Variants in DNMBP observed in about 807,000 individuals in gnomAD.
The protein encoded by DNMBP is dynamin binding protein, also known as dynamin-binding protein.
In DNMBP, 87 loss-of-function variants were observed where a neutral mutation model predicts 150.0. The ratio of observed to expected loss-of-function variants is 0.58; its 90% confidence interval spans 0.49 to 0.69. The LOEUF (loss-of-function observed/expected upper bound fraction) is 0.69, where lower values mean the gene tolerates loss of function less well. Ranked by LOEUF, DNMBP falls within the 30% of genes least tolerant of loss-of-function variation. The probability of loss-of-function intolerance (pLI) is 0.00; values close to 1 mark genes in which losing one functional copy is unlikely to be tolerated. For synonymous variants in DNMBP, 711 were observed against 750.4 expected, an observed-to-expected ratio of 0.95 and a Z score of 0.86; for missense variants, 1,774 against 1,949.0, an observed-to-expected ratio of 0.91 and a Z score of 1.69.
chr10:99,972,112 A>G lies in DNMBP; in HGVS notation c.13T>C (p.Ser5Pro). The stretch of plus-strand genomic sequence containing the variant: ...AAGTCAAAAATGGCTCGAACCACTG[A>G]GCCAGCCTCCATGTTTTATAACCTG... MEAG[S>P]VVRAIFDFCP... The change falls in exon 2 of 17, where the codon TCA becomes CCA. Residue 5 changes from serine to proline, a missense_variant. Physicochemically the swap from Ser to Pro is moderately conservative, Grantham distance 74. Coordinates refer to ENST00000324109, the MANE Select transcript of DNMBP (RefSeq NM_015221.4). 1.2e-6 allele frequency: 2 copies of G among 1,612,164 alleles called. No individual in the cohort carries two copies. Among genetic ancestry groups the G allele is most frequent in the Non-Finnish European group, 8.5e-7 (1 of 1,179,552 alleles).
At chr10:99,964,626 T>C (rs975856138) in intron 3 of DNMBP, among the ~76,000 whole-genome samples, 4 of 151,684 alleles carry the variant, frequency 2.6e-5, no homozygotes, top group Non-Finnish European at 5.9e-5. Flanking sequence ...ATCCCAGCAC[T>C]TTGGCAGGTC....
Position 99,879,993 on chromosome 10 carries a change from C to T in DNMBP, c.4366G>A (p.Val1456Ile), listed in dbSNP as rs752499875. Residue 1456 changes from valine to isoleucine, a missense_variant, in exon 16 of 17, where the codon GTA becomes ATA. By Grantham distance (29) the Val-to-Ile change is conservative. Transcript: ENST00000324109. ...CTCGGCGTGGCAGTGGGTTGCTTTA[C>T]ATCTCTAGCTACATCTGCAGAGTCC... ...SGDSADVARD[V>I]KQPTATPRSY... The T allele has an allele frequency of 1.2e-5, 19 of 1,614,222 alleles. No individual in the cohort carries two copies. Among genetic ancestry groups the T allele is most frequent in the Non-Finnish European group, 1.5e-5 (18 of 1,180,052 alleles).
chr10:99,890,654 T>C (rs917896768), intron 11 of DNMBP, among the ~76,000 whole-genome samples: 2 of 152,170 alleles, frequency 1.3e-5, no homozygotes, highest in Admixed American at 6.5e-5. Context: ...CAATTGTGTG[T>C]TTTATTTTTC....
chr10:99,943,736 G>A (rs746607357), intron 4 of DNMBP, among the ~76,000 whole-genome samples: 2 of 152,118 alleles, frequency 1.3e-5, no homozygotes, highest in Non-Finnish European at 2.9e-5. Flanking sequence ...GGGATTCCAA[G>A]GAGGCTGCAG....
At position 99,995,343 on chromosome 10, in the gene DNMBP, T is replaced by C. The variant is rs77719199; in HGVS notation, c.-11+14495A>G. ...GGATTACAGGCATGATCACGGCACCTGGCAAAAACAGAAATCTTATACATC... is the reference window on the plus strand; with the variant it reads ...GGATTACAGGCATGATCACGGCACCCGGCAAAAACAGAAATCTTATACATC... On this transcript the variant is annotated intron_variant, in intron 1 of 16. Transcript: ENST00000324109. Among the ~76,000 whole-genome samples, 1,000 of 152,224 alleles carry C rather than the reference T, an allele frequency of 6.6e-3. 7 individuals carry two copies. The highest frequency in any genetic ancestry group is 0.022 in the African/African-American group (910 of 41,542).
At chr10:99,973,949 C>T (rs559210120) in intron 1 of DNMBP, among the ~76,000 whole-genome samples, 1 of 152,090 alleles carries the variant, frequency 6.6e-6, no homozygotes, top group Non-Finnish European at 1.5e-5. Context: ...CCATTCATTG[C>T]ATTCCAGCCT....
chr10:99,878,639 G>A (rs1240602187), intron 16 of DNMBP, among the ~76,000 whole-genome samples: 3 of 152,178 alleles, frequency 2.0e-5, no homozygotes, highest in Admixed American at 6.5e-5. Context: ...GACAGTGGCA[G>A]AGGCAGCACC....
chr10:99,911,183 G>A (rs1388895065), intron 4 of DNMBP, among the ~76,000 whole-genome samples: 1 of 152,048 alleles, frequency 6.6e-6, no homozygotes, highest in Non-Finnish European at 1.5e-5. Flanking sequence ...AGAGGTTGCA[G>A]TAAGCTGAGA....
At position 99,880,295 on chromosome 10, in the gene DNMBP, G is replaced by C; in HGVS notation, c.4064C>G (p.Ala1355Gly). Reference sequence around the variant, plus strand: ...TGTGGAGGAGTGGCTACCCACGGAGGCATCGGAGTGGCTGCGGCGAGGATT... The same window carrying C: ...TGTGGAGGAGTGGCTACCCACGGAGCCATCGGAGTGGCTGCGGCGAGGATT... The part of the protein sequence containing the change: ...PYNPRRSHSD[A>G]SVGSHSSTES... Residue 1355 changes from alanine to glycine, a missense_variant, in exon 16 of 17, where the codon GCC becomes GGC. By Grantham distance (60) the Ala-to-Gly change is moderately conservative (BLOSUM62 0). Coordinates refer to ENST00000324109, the MANE Select transcript of DNMBP (RefSeq NM_015221.4). 6.2e-7 allele frequency: 1 copy of C among 1,613,382 alleles called. No individual in the cohort carries two copies. Among genetic ancestry groups the C allele is most frequent in the Non-Finnish European group, 8.5e-7 (1 of 1,179,766 alleles).
chr10:99,911,917 G>T (rs1457282022), intron 4 of DNMBP, among the ~76,000 whole-genome samples: 2 of 152,018 alleles, frequency 1.3e-5, no homozygotes, highest in Non-Finnish European at 2.9e-5. Context: ...TCCCAAATAT[G>T]GTCTCATTAG....
chr10:100,002,628 A>T (rs11190363), intron 1 of DNMBP, among the ~76,000 whole-genome samples: 2 of 151,916 alleles, frequency 1.3e-5, no homozygotes, highest in Admixed American at 6.6e-5. Context: ...AGGAGGAAAA[A>T]GCTGACCTAA....
At chr10:99,994,839 T>C (rs754122581) in intron 1 of DNMBP, among the ~76,000 whole-genome samples, 12 of 152,174 alleles carry the variant, frequency 7.9e-5, no homozygotes, top group Non-Finnish European at 1.3e-4. Flanking sequence ...GCTCCTGCAA[T>C]AGCTTCCTAA....
In DNMBP at chr10:99,899,726, G is replaced by A. The variant is rs190041642; in HGVS notation, c.2702+193C>T. On this transcript the variant is annotated intron_variant, in intron 7 of 16. Transcript: ENST00000324109. ...CCTGGCTGCTTTTTAACCTGATAAC[G>A]CTAACCTAATACTCTATACAGATAA... 2.5e-3 allele frequency: 1,627 copies of A among 661,946 alleles called. 3 individuals are homozygous for A. Among genetic ancestry groups the A allele is most frequent in the Non-Finnish European group, 3.3e-3 (1,271 of 386,710 alleles). 41.0% of individuals were successfully genotyped at this position (661,946 alleles called of 1,614,324 possible).
At chr10:100,000,460 G>A (rs966605725) in intron 1 of DNMBP, among the ~76,000 whole-genome samples, 4 of 152,122 alleles carry the variant, frequency 2.6e-5, no homozygotes, top group Non-Finnish European at 4.4e-5. Context: ...ACATTCACAT[G>A]CTACTTTCGG....
intron 4 of DNMBP, among the ~76,000 whole-genome samples, chr10:99,926,805 G>C (rs1272028221): frequency 6.6e-6 from 1 of 152,174 alleles, no homozygotes; most frequent in Non-Finnish European, 1.5e-5. Context: ...GGCCAGAAGA[G>C]CCCAGCAGAT....
intron 3 of DNMBP, among the ~76,000 whole-genome samples, chr10:99,966,543 C>G (rs1017149388): frequency 1.3e-5 from 2 of 152,174 alleles, no homozygotes; most frequent in African/African-American, 4.8e-5. Flanking sequence ...AACAGCTCAG[C>G]GGAAGCCACT....
At chr10:99,994,022 G>A (rs2040926338) in intron 1 of DNMBP, among the ~76,000 whole-genome samples, 1 of 152,176 alleles carries the variant, frequency 6.6e-6, no homozygotes, top group East Asian at 1.9e-4. Flanking sequence ...CAAACACAGT[G>A]TTTGATTAAG....
intron 2 of DNMBP, among the ~76,000 whole-genome samples, chr10:99,970,982 A>AAAAAATAAATAAAAAAAT (rs1564750395): frequency 6.8e-6 from 1 of 147,304 alleles, no homozygotes; most frequent in African/African-American, 2.5e-5. Context: ...AAAAAAAAAA[A>AAAAAATAAATAAAAAAAT]AAAAAAAAAA....
chr10:99,946,106 A>T (rs2040354173), intron 4 of DNMBP, among the ~76,000 whole-genome samples: 1 of 152,118 alleles, frequency 6.6e-6, no homozygotes, highest in Non-Finnish European at 1.5e-5. Context: ...ACAGGTGCAC[A>T]CCACTATGCC....
Sources: gnomAD v4.1 joint callset for allele counts (sites outside exome capture counted in the v4.1 genomes callset) on GRCh38, gnomAD v4.1.1 for gene constraint, MANE v1.5 for transcripts, NCBI Gene and HGNC (gene_info 2026-07-23, HGNC 2026-07-21) for gene names.